The following DPYSL5 variants were observed in gnomAD, a reference collection of about 807,000 sequenced individuals.
DPYSL5 encodes dihydropyrimidinase-related protein 5.
DPYSL5 carries 9 observed loss-of-function variants against 58.4 expected under a neutral mutation model. The ratio of observed to expected loss-of-function variants is 0.15; its 90% CI spans 0.09 to 0.27. DPYSL5 has a LOEUF of 0.27. DPYSL5 is among the 10% of genes least tolerant of loss of function. DPYSL5 has a pLI of 1.00. For synonymous variants in DPYSL5, 293 were observed against 301.9 expected (o/e 0.97, Z 0.31); for missense variants, 499 against 770.6 (o/e 0.65, Z 4.17).
At chr2:26,931,779 G>A in intron 6 of DPYSL5, 95 bp downstream of exon 6, 1 of 1,345,160 alleles carries the variant, frequency 7.4e-7, no homozygotes, top group South Asian at 1.2e-5. Context: ...AGGCCGAGGT[G>A]CGTGGATCAC....
At chr2:26,880,418 G>C (rs1663526773) in intron 1 of DPYSL5, among the ~76,000 whole-genome samples, 1 of 152,194 alleles carries the variant, frequency 6.6e-6, no homozygotes, top group Non-Finnish European at 1.5e-5. Context: ...CCAACTCACA[G>C]TTGCATCCTA....
chr2:26,866,773 C>T (rs1446680722), intron 1 of DPYSL5, among the ~76,000 whole-genome samples: 3 of 149,940 alleles, frequency 2.0e-5, no homozygotes, highest in African/African-American at 7.4e-5. Flanking sequence ...ACTCTGTTGC[C>T]CAGGCTGGAG....
intron 1 of DPYSL5, among the ~76,000 whole-genome samples, chr2:26,878,012 G>C (rs1296663880): frequency 2.0e-5 from 3 of 152,148 alleles, no homozygotes; most frequent in Non-Finnish European, 2.9e-5. Context: ...CTACATCTTT[G>C]TACAACTGTT....
chr2:26,932,633 C>A (rs1203901770), intron 6 of DPYSL5, among the ~76,000 whole-genome samples: 2 of 152,218 alleles, frequency 1.3e-5, no homozygotes, highest in Admixed American at 6.5e-5. Context: ...AACAAAAAGT[C>A]AGTTCCTTGC....
chr2:26,893,803 C>G (rs1663947066), intron 1 of DPYSL5, among the ~76,000 whole-genome samples: 1 of 152,034 alleles, frequency 6.6e-6, no homozygotes, highest in Non-Finnish European at 1.5e-5. Context: ...TCAGAGAAAA[C>G]TTTTCAGAAG....
intron 1 of DPYSL5, among the ~76,000 whole-genome samples, chr2:26,861,861 C>G (rs911428901): frequency 3.3e-5 from 5 of 152,158 alleles, no homozygotes; most frequent in African/African-American, 2.4e-5. Context: ...ATGGGAATGT[C>G]CTTTCCCTTA....
At chr2:26,852,597 C>A (rs1038173170) in intron 1 of DPYSL5, among the ~76,000 whole-genome samples, 4 of 152,222 alleles carry the variant, frequency 2.6e-5, no homozygotes, top group Non-Finnish European at 5.9e-5. Context: ...TCCCTCGCCT[C>A]CCTCCTCCCT....
chr2:26,866,741 T>A (rs1284474561), intron 1 of DPYSL5, among the ~76,000 whole-genome samples: 1 of 150,780 alleles, frequency 6.6e-6, no homozygotes, highest in Non-Finnish European at 1.5e-5. Context: ...TCTTTTTTTT[T>A]TTTTTTTTGA....
rs1029666433 is a variant in DPYSL5 at position 26,898,085 on chromosome 2, C to T, written c.-4-411C>T. On this transcript the variant is annotated intron_variant, in intron 1 of 12. Transcript: ENST00000288699. This position sits in a 1 kb window ranked among gnomAD's most constrained non-coding sequence, Gnocchi z 6.1. ...ATTTGTTGTATAAGACATGTGGGTT[C>T]GACTTGGCTACTTGATAACCATAAA... Among the ~76,000 whole-genome samples, 7 of 152,174 alleles carry T rather than the reference C, an allele frequency of 4.6e-5. No homozygotes were observed. In the South Asian group the frequency reaches 1.0e-3, roughly 23 times the overall value.
chr2:26,890,970 G>A (rs1663865922), intron 1 of DPYSL5, among the ~76,000 whole-genome samples: 1 of 152,142 alleles, frequency 6.6e-6, no homozygotes, highest in African/African-American at 2.4e-5. Flanking sequence ...TTTCTAAGAG[G>A]CCCCATCTCC....
chr2:26,881,326 C>T (rs574142369), intron 1 of DPYSL5, among the ~76,000 whole-genome samples: 2 of 152,316 alleles, frequency 1.3e-5, no homozygotes, highest in South Asian at 4.1e-4. Context: ...CACCCCCAGA[C>T]GTTTCTGTAA....
At chr2:26,921,768 A>C (rs1296388244) in intron 2 of DPYSL5, among the ~76,000 whole-genome samples, 1 of 152,098 alleles carries the variant, frequency 6.6e-6, no homozygotes, top group Admixed American at 6.5e-5. Flanking sequence ...AGCGGTAATA[A>C]TTATTCCAGA....
At chr2:26,911,390 C>T (rs981396089) in intron 2 of DPYSL5, among the ~76,000 whole-genome samples, 1 of 152,148 alleles carries the variant, frequency 6.6e-6, no homozygotes, top group East Asian at 1.9e-4. Flanking sequence ...CATAGAGAAA[C>T]GAATGCATTA....
chr2:26,882,579 G>A (rs1030137401), intron 1 of DPYSL5, among the ~76,000 whole-genome samples: 47 of 151,818 alleles, frequency 3.1e-4, no homozygotes, highest in South Asian at 2.1e-4. Context: ...TAAGCACCAC[G>A]CCCAGCACAA....
chr2:26,905,151 A>G lies in DPYSL5; in HGVS notation c.261+6391A>G, dbSNP rs1294629493. ...GGGTGTCTCAGAATGGATTTGCATCAGGCAGGCAGCTGAGCGAGGTCTCTG... is the reference window on the plus strand; with the variant it reads ...GGGTGTCTCAGAATGGATTTGCATCGGGCAGGCAGCTGAGCGAGGTCTCTG... On this transcript the variant is annotated intron_variant, in intron 2 of 12. Transcript: ENST00000288699. This position sits in a 1 kb window ranked among gnomAD's most constrained non-coding sequence, Gnocchi z 4.0. Among the ~76,000 whole-genome samples, 1 of 152,188 alleles carries G rather than the reference A, an allele frequency of 6.6e-6. No homozygotes were observed. The highest frequency in any genetic ancestry group is 2.4e-5 in the African/African-American group (1 of 41,448).
Position 26,947,352 on chromosome 2 carries a change from C to G in DPYSL5, c.*357C>G, listed in dbSNP as rs954510839. On this transcript the variant is annotated 3_prime_UTR_variant, in exon 13 of 13. Coordinates refer to ENST00000288699, the MANE Select transcript of DPYSL5 (RefSeq NM_020134.4). The surrounding 1 kb of genome is among the most constrained non-coding windows in gnomAD (Gnocchi z 4.2). ...TTGGGAAAGCCCAGACTTTAGTGCC[C>G]TGCCCCCTGGCTGACTGGCCAGTTG... The G allele has an allele frequency of 5.2e-6, 1 of 193,338 alleles. No homozygotes were observed. Among genetic ancestry groups the G allele is most frequent in the African/African-American group, 2.3e-5 (1 of 43,526 alleles). 12.0% of individuals were successfully genotyped at this position (193,338 alleles called of 1,614,324 possible).
chr2:26,924,749 C>A lies in DPYSL5; in HGVS notation c.262-138C>A. 1 of 1,252,970 alleles carries A rather than the reference C, an allele frequency of 8.0e-7. No individual in the cohort carries two copies. Among genetic ancestry groups the A allele is most frequent in the Non-Finnish European group, 1.1e-6 (1 of 938,534 alleles). 77.6% of individuals were successfully genotyped at this position (1,252,970 alleles called of 1,614,324 possible). A position where few individuals can be genotyped will look rare whatever the true frequency, so the allele number is the denominator to read the frequency against. ...ACATGGCTCTTTACAGTTTCCCAAA[C>A]CTCGCTGCCCTTGGTCCTCACAGCC... On this transcript the variant is annotated intron_variant, in intron 2 of 12. Transcript: ENST00000288699. This position sits in a 1 kb window ranked among gnomAD's most constrained non-coding sequence, Gnocchi z 4.7.
At chr2:26,878,858 A>C (rs1481042265) in intron 1 of DPYSL5, among the ~76,000 whole-genome samples, 2 of 152,164 alleles carry the variant, frequency 1.3e-5, no homozygotes. Flanking sequence ...TCCTTGCCTG[A>C]CTTCTTCCTT....
intron 1 of DPYSL5, among the ~76,000 whole-genome samples, chr2:26,889,453 G>A (rs1231807977): frequency 6.6e-6 from 1 of 151,708 alleles, no homozygotes; most frequent in African/African-American, 2.4e-5. Context: ...TGTATTTTTA[G>A]TAGACACACA....
Sources: allele counts gnomAD v4.1 joint callset (sites outside exome capture counted in the v4.1 genomes callset), GRCh38; gene constraint gnomAD v4.1.1; non-coding constraint Gnocchi (gnomAD v3.1); transcripts MANE v1.5; gene names NCBI Gene and HGNC (gene_info 2026-07-23, HGNC 2026-07-21).